PIK3R4: variants seen among roughly 807,000 people sequenced by gnomAD.
PIK3R4 encodes phosphoinositide 3-kinase regulatory subunit 4.
In PIK3R4, 46 loss-of-function variants were observed where a neutral mutation model predicts 136.5. The observed-to-expected ratio is 0.34, with a 90% CI of 0.27 to 0.43. The LOEUF (loss-of-function observed/expected upper bound fraction) is 0.43, where lower values mean the gene tolerates loss of function less well. Among genes scored for constraint, PIK3R4 ranks in the 20% least tolerant of loss-of-function variants. The pLI is 1.00. For missense variants in PIK3R4, 1,331 were observed against 1,649.5 expected, an observed-to-expected ratio of 0.81 and a Z score of 3.35; for synonymous variants, 557 against 566.7, an observed-to-expected ratio of 0.98 and a Z score of 0.24.
rs900828316 is a variant in PIK3R4, at chr3:130,696,097, C to T, written c.3099-5443G>A. Among the ~76,000 whole-genome samples, 30 of 152,110 alleles carry T rather than the reference C, an allele frequency of 2.0e-4. No homozygotes were observed. The East Asian group carries it at 5.6e-3, about 28-fold the overall frequency. On this transcript the variant is annotated intron_variant, in intron 13 of 19. Transcript: ENST00000356763. ...TTCATGGTATTCCTTTCATAGTACT[C>T]TTTTTTTATTTCTGTCAAGTCAGTA...
rs763977862 is a variant in PIK3R4, at chr3:130,680,686, A to C, written c.3833T>G (p.Val1278Gly). ...WDLAYPERSY[V>G]VAGSTSSPSV... ...TGGGGAACTAGTACTTCCTGCAACA[A>C]CATAGGACCTTTCTGGGTAAGCCAA... Residue 1278 changes from valine (V) to glycine (G), a missense_variant, in exon 19 of 20, where the codon GTT (valine) becomes GGT (glycine). Around this residue, in one of 2 missense-constraint regions of PIK3R4, gnomAD observed 1,180 missense variants for 1,407.0 expected, o/e 0.84. Coordinates refer to ENST00000356763, the MANE Select transcript of PIK3R4 (RefSeq NM_014602.3). 1 of 1,612,978 alleles carries C rather than the reference A, an allele frequency of 6.2e-7. No individual in the cohort carries two copies. Among genetic ancestry groups the C allele is most frequent in the Non-Finnish European group, 8.5e-7 (1 of 1,179,150 alleles).
chr3:130,740,496 G>C lies in PIK3R4; in HGVS notation c.733+3990C>G, dbSNP rs182572723. Among the ~76,000 whole-genome samples the C allele has an allele frequency of 6.0e-3, 910 of 152,250 alleles. 3 individuals are homozygous for C. The highest frequency in any genetic ancestry group is 9.5e-3 in the Non-Finnish European group (645 of 68,028). ...TCATACCTGTAATCCCAGCACTCAG[G>C]GAGGCCAAGGGGGCGCGGATCACTT... On this transcript the variant is annotated intron_variant, in intron 2 of 19. Coordinates refer to ENST00000356763, the MANE Select transcript of PIK3R4 (RefSeq NM_014602.3).
intron 11 of PIK3R4, among the ~76,000 whole-genome samples, chr3:130,706,602 A>T (rs530333941): frequency 6.6e-6 from 1 of 152,300 alleles, no homozygotes; most frequent in African/African-American, 2.4e-5. Flanking sequence ...TATTTTTGCT[A>T]TTTTATAGAT....
intron 14 of PIK3R4, among the ~76,000 whole-genome samples, chr3:130,688,857 T>G (rs1176009816): frequency 1.3e-5 from 2 of 152,226 alleles, no homozygotes; most frequent in Non-Finnish European, 2.9e-5. Context: ...ACATTCCTGT[T>G]GAATATTATT....
chr3:130,742,199 C>G (rs898102783), intron 2 of PIK3R4, among the ~76,000 whole-genome samples: 2 of 152,302 alleles, frequency 1.3e-5, no homozygotes, highest in South Asian at 4.1e-4. Context: ...GGGAAGTGGA[C>G]AGATGCCACC....
At chr3:130,735,239 C>T (rs964768653) in intron 3 of PIK3R4, among the ~76,000 whole-genome samples, 1 of 152,296 alleles carries the variant, frequency 6.6e-6, no homozygotes, top group South Asian at 2.1e-4. Flanking sequence ...ATTCTAAACA[C>T]ACCACAATCT....
rs780832466 is a variant in PIK3R4 at position 130,723,463 on chromosome 3, C to G, written c.1932G>C (p.Gln644His). Residue 644 changes from glutamine (Q) to histidine (H), a missense_variant, in exon 7 of 20, where the codon CAG (glutamine) becomes CAC (histidine). Physicochemically the swap from Gln to His is conservative, Grantham distance 24 (BLOSUM62 0). Coordinates refer to ENST00000356763, the MANE Select transcript of PIK3R4 (RefSeq NM_014602.3). ...CATGGGGTTTTTGTAGCAGTCCTAA[C>G]TGGCACATACAAGTAAGGGCATAAA... is the stretch of plus-strand genomic sequence containing the variant. ...KALYALTCMC[Q>H]LGLLQKPHVY... The G allele has an allele frequency of 8.1e-6, 13 of 1,613,144 alleles. No individual in the cohort carries two copies. The Admixed American group carries it at 1.8e-4, about 23-fold the overall frequency.
chr3:130,710,590 A>G (rs948324740), intron 9 of PIK3R4, among the ~76,000 whole-genome samples: 1 of 152,208 alleles, frequency 6.6e-6, no homozygotes, highest in African/African-American at 2.4e-5. Flanking sequence ...AGGCAAGGAA[A>G]ACAAAGGTAT....
chr3:130,733,781 G>A lies in PIK3R4; in HGVS notation c.1217C>T (p.Ala406Val). 6.2e-7 allele frequency: 1 copy of A among 1,614,096 alleles called. No homozygotes were observed. The highest frequency in any genetic ancestry group is 1.6e-4 in the Middle Eastern group (1 of 6,062). The change falls in exon 4 of 20, where the codon GCT becomes GTT. Residue 406 changes from alanine to valine, a missense_variant. By Grantham distance (64) the Ala-to-Val change is moderately conservative (BLOSUM62 0). Around this residue, in one of 2 missense-constraint regions of PIK3R4, gnomAD observed 1,180 missense variants for 1,407.0 expected, o/e 0.84. Transcript: ENST00000356763. ...AAGGATTTCAACACTTAATCTTGGA[G>A]CCAAATGAAGAATCAGTTCCAAAGC... ...LAALELILHL[A>V]PRLSVEILLD...
chr3:130,737,547 C>A (rs969569070), intron 2 of PIK3R4, among the ~76,000 whole-genome samples: 2 of 152,028 alleles, frequency 1.3e-5, no homozygotes, highest in East Asian at 1.9e-4. Context: ...GTAATTCCAG[C>A]TACTTGGGAG....
intron 13 of PIK3R4, among the ~76,000 whole-genome samples, chr3:130,695,601 T>C (rs1042790403): frequency 2.0e-4 from 30 of 152,298 alleles, no homozygotes; most frequent in South Asian, 6.2e-4. Context: ...AGTTATGAGA[T>C]TGATAATCAC....
chr3:130,741,205 G>A lies in PIK3R4; in HGVS notation c.733+3281C>T, dbSNP rs568883480. Among the ~76,000 whole-genome samples, 38 of 152,246 alleles carry A rather than the reference G, an allele frequency of 2.5e-4. No individual in the cohort carries two copies. In the South Asian group the frequency reaches 6.6e-3, roughly 27 times the overall value. On this transcript the variant is annotated intron_variant, in intron 2 of 19. Transcript: ENST00000356763. ...AGGGTTAAAGAGGTAATAAGGGTGT[G>A]CCCTTAATCCAATATGACTGGCGTG...
intron 14 of PIK3R4, among the ~76,000 whole-genome samples, chr3:130,689,754 C>G (rs951522275): frequency 6.6e-6 from 1 of 152,200 alleles, no homozygotes; most frequent in African/African-American, 2.4e-5. Flanking sequence ...CTCCTGTTAT[C>G]CATGTAAAAA....
chr3:130,745,024 G>A lies in PIK3R4; in HGVS notation c.195C>T (p.Thr65=). The change falls in exon 2 of 20, where the codon ACC becomes ACT. Residue 65 remains threonine (T), a synonymous_variant. Coordinates refer to ENST00000356763, the MANE Select transcript of PIK3R4 (RefSeq NM_014602.3). The part of the protein sequence containing the change: ...FAIQDPTLPL[T]SYKQELEELK... ...GTTCCTCCAGCTCTTGTTTATAGCTGGTTAAAGGCAATGTGGGATCCTGAA... is the reference window on the plus strand; with the variant it reads ...GTTCCTCCAGCTCTTGTTTATAGCTAGTTAAAGGCAATGTGGGATCCTGAA... 1 of 1,613,624 alleles carries A rather than the reference G, an allele frequency of 6.2e-7. No individual in the cohort carries two copies. Among genetic ancestry groups the A allele is most frequent in the Non-Finnish European group, 8.5e-7 (1 of 1,179,964 alleles).
chr3:130,704,280 A>G (rs2066595204), intron 12 of PIK3R4, among the ~76,000 whole-genome samples: 1 of 152,234 alleles, frequency 6.6e-6, no homozygotes, highest in African/African-American at 2.4e-5. Flanking sequence ...TACACCACTT[A>G]CAAAGACAGA....
In PIK3R4 at chr3:130,694,350, G is replaced by A. The variant is rs768181346; in HGVS notation, c.3099-3696C>T. The stretch of plus-strand genomic sequence containing the variant: ...CTAGAAATTCCATAGAGATGGCATC[G>A]CATCTGTACATCGAGAGATCTGCCA... On this transcript the variant is annotated intron_variant, in intron 13 of 19. Coordinates refer to ENST00000356763, the MANE Select transcript of PIK3R4 (RefSeq NM_014602.3). 3.7e-4 allele frequency among the ~76,000 whole-genome samples: 56 copies of A among 151,230 alleles called. 1 individual carries two copies. The highest frequency in any genetic ancestry group is 6.0e-4 in the Non-Finnish European group (41 of 67,852).
intron 13 of PIK3R4, among the ~76,000 whole-genome samples, chr3:130,701,478 C>T (rs2066574238): frequency 6.6e-6 from 1 of 151,160 alleles, no homozygotes. Context: ...TGCCACTGTA[C>T]TCCATCCTGG....
At position 130,705,706 on chromosome 3, in the gene PIK3R4, T is replaced by TA; in HGVS notation, c.2786dup (p.Leu929PhefsTer13). 1 of 1,612,422 alleles carries TA rather than the reference T, an allele frequency of 6.2e-7. No homozygotes were observed. Among genetic ancestry groups the TA allele is most frequent in the Non-Finnish European group, 8.5e-7 (1 of 1,178,470 alleles). Reference sequence around the variant, plus strand: ...TAATTCGAATCTGATAGGTGGATGGTAAGATTGTACTACTTAAAACCGGTA... The same window carrying TA: ...TAATTCGAATCTGATAGGTGGATGGTAAAGATTGTACTACTTAAAACCGGTA... On this transcript the variant is annotated frameshift_variant, in exon 12 of 20. Transcript: ENST00000356763. LOFTEE classifies it high-confidence loss of function.
chr3:130,686,147 A>G lies in PIK3R4; in HGVS notation c.3475+64T>C. The G allele has an allele frequency of 6.1e-6, 6 of 977,778 alleles. 1 individual carries two copies. The highest frequency in any genetic ancestry group is 5.3e-5 in the South Asian group (4 of 75,046). The allele number at this position is 977,778 out of a possible 1,614,324, so 60.6% of individuals were successfully genotyped here. On this transcript the variant is annotated intron_variant, in intron 15 of 19. Coordinates refer to ENST00000356763, the MANE Select transcript of PIK3R4 (RefSeq NM_014602.3). ...ACAAAGAGGAAAAAACTGATTTCAC[A>G]AGACAGCAATTGCAGGCATTAGTGG... is the stretch of plus-strand genomic sequence containing the variant.
Sources: gnomAD v4.1 joint callset for allele counts (sites outside exome capture counted in the v4.1 genomes callset) on GRCh38, gnomAD v4.1.1 for gene constraint, gnomAD v4.1.1 regional missense constraint, MANE v1.5 for transcripts, NCBI Gene and HGNC (gene_info 2026-07-23, HGNC 2026-07-21) for gene names.